Variants in NR2F1-AS1 observed in about 807,000 individuals in gnomAD.
NR2F1-AS1 encodes NR2F1 regulatory antisense RNA 1.
At chr5:93,474,991 G>A (rs980208337) in intron 4 of NR2F1-AS1, among the ~76,000 whole-genome samples, 3 of 152,242 alleles carry the variant, frequency 2.0e-5, no homozygotes, top group Admixed American at 6.5e-5. Context: ...AGGCATGGCC[G>A]TGTGTGCCTG....
intron 2 of NR2F1-AS1, among the ~76,000 whole-genome samples, chr5:93,555,265 T>C (rs1374465328): frequency 1.3e-5 from 2 of 152,172 alleles, no homozygotes; most frequent in Non-Finnish European, 2.9e-5. Flanking sequence ...TATAATACTC[T>C]GTAACCAGTT....
intron 4 of NR2F1-AS1, among the ~76,000 whole-genome samples, chr5:93,494,308 T>A (rs143213271): frequency 7.2e-5 from 11 of 152,234 alleles, no homozygotes; most frequent in Non-Finnish European, 1.5e-4. Flanking sequence ...TTCACACCCA[T>A]TAGGATACCT....
At chr5:93,575,484 T>C (rs1580348232) in intron 1 of NR2F1-AS1, among the ~76,000 whole-genome samples, 1 of 152,230 alleles carries the variant, frequency 6.6e-6, no homozygotes, top group Non-Finnish European at 1.5e-5. Flanking sequence ...AACTGCCTAA[T>C]GTCAGGCTCT....
At chr5:93,434,241 T>A (rs907575685) in intron 4 of NR2F1-AS1, among the ~76,000 whole-genome samples, 2 of 152,306 alleles carry the variant, frequency 1.3e-5, no homozygotes, top group Admixed American at 6.5e-5. Context: ...CTCAGGGTCC[T>A]TCTTAGAAGA....
chr5:93,434,395 G>T (rs527246993), intron 4 of NR2F1-AS1, among the ~76,000 whole-genome samples: 1 of 152,090 alleles, frequency 6.6e-6, no homozygotes, highest in Non-Finnish European at 1.5e-5. Flanking sequence ...AAGAACTCCT[G>T]TTTGTGTTTG....
At chr5:93,534,185 C>A (rs914694980) in intron 4 of NR2F1-AS1, among the ~76,000 whole-genome samples, 1 of 152,058 alleles carries the variant, frequency 6.6e-6, no homozygotes, top group South Asian at 2.1e-4. Flanking sequence ...TCATAAAGCA[C>A]CCTCACAAAA....
At chr5:93,480,354 T>C (rs1750575800) in intron 4 of NR2F1-AS1, among the ~76,000 whole-genome samples, 1 of 151,062 alleles carries the variant, frequency 6.6e-6, no homozygotes, top group Non-Finnish European at 1.5e-5. Context: ...CAAAAGGGAG[T>C]GGAATAAAAT....
At chr5:93,538,585 A>G (rs1354624208) in intron 4 of NR2F1-AS1, among the ~76,000 whole-genome samples, 1 of 152,198 alleles carries the variant, frequency 6.6e-6, no homozygotes, top group Non-Finnish European at 1.5e-5. Flanking sequence ...CATATTTGTG[A>G]TTGTTTTTGA....
At chr5:93,440,464 A>G (rs1385791068) in intron 4 of NR2F1-AS1, among the ~76,000 whole-genome samples, 1 of 152,174 alleles carries the variant, frequency 6.6e-6, no homozygotes. Context: ...CTTTCTCTCT[A>G]CTTGTCTTCA....
chr5:93,441,423 A>T (rs376511100), intron 4 of NR2F1-AS1, among the ~76,000 whole-genome samples: 2 of 152,328 alleles, frequency 1.3e-5, no homozygotes, highest in Non-Finnish European at 2.9e-5. Flanking sequence ...AAGTCAACTG[A>T]TGTACCATGG....
At chr5:93,570,904 G>C (rs528153269) in intron 1 of NR2F1-AS1, 4 of 152,374 alleles carry the variant, frequency 2.6e-5, no homozygotes, top group Non-Finnish European at 4.4e-5. Context: ...CGCTAGTCCA[G>C]GGAAAGGGGT....
At chr5:93,409,728 A>G (rs1748811331) in intron 4 of NR2F1-AS1, 1 of 152,254 alleles carries the variant, frequency 6.6e-6, no homozygotes, top group South Asian at 2.1e-4. Flanking sequence ...ATATTTTTTT[A>G]GAAATTAAGT....
At chr5:93,461,150 G>A (rs1359494834) in intron 4 of NR2F1-AS1, among the ~76,000 whole-genome samples, 1 of 152,184 alleles carries the variant, frequency 6.6e-6, no homozygotes, top group Non-Finnish European at 1.5e-5. Context: ...ATACTATGCA[G>A]CCATAAAAAG....
chr5:93,467,777 T>G (rs1750270920), intron 4 of NR2F1-AS1, among the ~76,000 whole-genome samples: 1 of 152,202 alleles, frequency 6.6e-6, no homozygotes. Flanking sequence ...GCTGCACCCA[T>G]TAACTCGTCA....
chr5:93,446,660 T>C lies in NR2F1-AS1; in HGVS notation n.639-51118A>G, dbSNP rs1749715952. Among the ~76,000 whole-genome samples, 4 of 152,144 alleles carry C rather than the reference T, an allele frequency of 2.6e-5. No individual in the cohort carries two copies. The South Asian group carries it at 8.3e-4, about 31-fold the overall frequency. ...ATTCATAGATTCAATGCTATCCCCATCAATCTACCAATGACTTTCTTCACA... is the reference window on the plus strand; with the variant it reads ...ATTCATAGATTCAATGCTATCCCCACCAATCTACCAATGACTTTCTTCACA... On this transcript the variant is annotated intron_variant and non_coding_transcript_variant, in intron 4 of 5. Transcript: ENST00000660523.
chr5:93,581,756 CTCTCCT>C (rs1178734351), upstream of NR2F1-AS1, among the ~76,000 whole-genome samples: 10 of 46,338 alleles, frequency 2.2e-4, no homozygotes, highest in African/African-American at 1.0e-3. Context: ...CTCCCTCTCC[CTCTCCT>C]CTCTCCCTCT....
chr5:93,478,537 G>A (rs1007266608), intron 4 of NR2F1-AS1, among the ~76,000 whole-genome samples: 1 of 152,134 alleles, frequency 6.6e-6, no homozygotes, highest in African/African-American at 2.4e-5. Flanking sequence ...CTGAGTAGCT[G>A]AGATTACAGG....
intron 2 of NR2F1-AS1, among the ~76,000 whole-genome samples, chr5:93,559,216 G>A (rs1029828807): frequency 2.0e-5 from 3 of 152,194 alleles, no homozygotes; most frequent in African/African-American, 7.2e-5. Context: ...AACACTTGCT[G>A]TATACTTACT....
rs182336901 is a variant in NR2F1-AS1 at position 93,544,589 on chromosome 5, A to G, written n.638+9172T>C. On this transcript the variant is annotated intron_variant and non_coding_transcript_variant, in intron 4 of 5. Transcript: ENST00000660523. Reference sequence around the variant, plus strand: ...TTAAAGTCTTAATCTTAAATATAAAATTAGAGTAATTGTTAGTAATTTGTA... The same window carrying G: ...TTAAAGTCTTAATCTTAAATATAAAGTTAGAGTAATTGTTAGTAATTTGTA... Among the ~76,000 whole-genome samples, 3 of 152,284 alleles carry G rather than the reference A, an allele frequency of 2.0e-5. No individual in the cohort carries two copies. The East Asian group carries it at 5.8e-4, about 29-fold the overall frequency.
Sources: gnomAD v4.1 joint callset for allele counts (sites outside exome capture counted in the v4.1 genomes callset) on GRCh38, gnomAD v4.1.1 for gene constraint, MANE v1.5 for transcripts, NCBI Gene and HGNC (gene_info 2026-07-23, HGNC 2026-07-21) for gene names.